The following ECI2 variants were observed in gnomAD, a reference collection of about 807,000 sequenced individuals.
The protein encoded by ECI2 is D3,D2-enoyl-CoA isomerase.
In ECI2, 27 loss-of-function variants were observed where a neutral mutation model predicts 38.4. The ratio of observed to expected loss-of-function variants is 0.70; its 90% CI spans 0.52 to 0.97. The LOEUF is 0.97. Among genes scored for constraint, ECI2 ranks in the 50% least tolerant of loss-of-function variants. The pLI is 0.00. For synonymous variants in ECI2, 168 were observed against 172.0 expected, an observed-to-expected ratio of 0.98 and a Z score of 0.18; for missense variants, 470 against 474.4, an observed-to-expected ratio of 0.99 and a Z score of 0.09.
At chr6:4,123,507 T>G (rs1772943819) in intron 7 of ECI2, among the ~76,000 whole-genome samples, 1 of 151,128 alleles carries the variant, frequency 6.6e-6, no homozygotes, top group Non-Finnish European at 1.5e-5. Flanking sequence ...GACAAATAAA[T>G]TTTACTTTTG....
At chr6:4,127,404 C>CTTTTTTTTT (rs71001567) in intron 5 of ECI2, among the ~76,000 whole-genome samples, 3 of 75,892 alleles carry the variant, frequency 4.0e-5, no homozygotes, top group African/African-American at 1.1e-4. Flanking sequence ...ATCTTAGAGC[C>CTTTTTTTTT]TTTTTTTTTT....
At chr6:4,132,258 G>C (rs1315335382) in intron 2 of ECI2, among the ~76,000 whole-genome samples, 2 of 152,076 alleles carry the variant, frequency 1.3e-5, no homozygotes, top group Non-Finnish European at 2.9e-5. Context: ...AGTCAGCATA[G>C]GGCACCTCTA....
chr6:4,131,817 G>A (rs1056257465), intron 2 of ECI2, among the ~76,000 whole-genome samples: 2 of 152,026 alleles, frequency 1.3e-5, no homozygotes, highest in Middle Eastern at 3.4e-3. Context: ...AGATGGTGCC[G>A]CTGCACTCTA....
chr6:4,120,432 CAT>C (rs1324489727), intron 7 of ECI2, among the ~76,000 whole-genome samples: 9 of 152,024 alleles, frequency 5.9e-5, no homozygotes, highest in African/African-American at 2.2e-4. Context: ...ATATATCAAA[CAT>C]AGAAAAGGTA....
At chr6:4,117,198 T>C (rs1189995053) in intron 9 of ECI2, 110 bp downstream of exon 9, 2 of 1,329,218 alleles carry the variant, frequency 1.5e-6, no homozygotes, top group Non-Finnish European at 1.0e-6. Flanking sequence ...TGCTTAGAGG[T>C]AACTAAAGAT....
At chr6:4,128,708 T>C (rs1773333044) in intron 4 of ECI2, among the ~76,000 whole-genome samples, 2 of 152,184 alleles carry the variant, frequency 1.3e-5, no homozygotes, top group African/African-American at 4.8e-5. Context: ...CAATACAGTA[T>C]AACAACAATT....
chr6:4,117,215 T>C (rs772513858), intron 9 of ECI2, 93 bp downstream of exon 9: 174 of 1,464,260 alleles, frequency 1.2e-4, no homozygotes, highest in Middle Eastern at 5.5e-4. Flanking sequence ...AGATGTGTCT[T>C]GTGCTTTTTA....
chr6:4,130,168 T>C, intron 4 of ECI2: 1 of 1,613,876 alleles, frequency 6.2e-7, no homozygotes, highest in Non-Finnish European at 8.5e-7. Context: ...TCTGGGTATA[T>C]CAGAACCTAC....
In ECI2 at chr6:4,126,244, G is replaced by C. The variant is rs368230357; in HGVS notation, c.572-7C>G. 1 of 1,605,240 alleles carries C rather than the reference G, an allele frequency of 6.2e-7. No individual in the cohort carries two copies. The highest frequency in any genetic ancestry group is 8.5e-7 in the Non-Finnish European group (1 of 1,175,076). On this transcript the variant is annotated splice_region_variant and splice_polypyrimidine_tract_variant and intron_variant, in intron 5 of 9. Transcript: ENST00000380118. Reference sequence around the variant, plus strand: ...CTGTAATAGTCACCATTTCCTATAAGTAAGAAAATCAACAGATCCCTCATT... The same window carrying C: ...CTGTAATAGTCACCATTTCCTATAACTAAGAAAATCAACAGATCCCTCATT...
chr6:4,127,654 C>G, intron 5 of ECI2, 108 bp downstream of exon 5: 1 of 1,071,552 alleles, frequency 9.3e-7, no homozygotes. Flanking sequence ...ACCTCGGGAG[C>G]CACCTGCCTC....
intron 2 of ECI2, among the ~76,000 whole-genome samples, chr6:4,132,411 G>C (rs111967316): frequency 6.6e-6 from 1 of 151,942 alleles, no homozygotes; most frequent in African/African-American, 2.4e-5. Flanking sequence ...AAATCACATC[G>C]TTAAGACAAT....
At chr6:4,135,206 G>A (rs1421069204) in intron 1 of ECI2, 2 of 790,452 alleles carry the variant, frequency 2.5e-6, no homozygotes, top group African/African-American at 1.7e-5. Flanking sequence ...TCACCCGCCC[G>A]GAGTCCGGCC....
chr6:4,119,644 C>T (rs374514853), intron 7 of ECI2, among the ~76,000 whole-genome samples: 4 of 152,158 alleles, frequency 2.6e-5, no homozygotes, highest in South Asian at 4.2e-4. Flanking sequence ...TTAAAAATCA[C>T]GATTTGCTTA....
At chr6:4,125,492 C>T in intron 6 of ECI2, 122 bp from the exon 7 acceptor site, 2 of 1,387,650 alleles carry the variant, frequency 1.4e-6, no homozygotes, top group Non-Finnish European at 2.0e-6. Context: ...CAGCCACCAC[C>T]AGCAGTGCCT....
At position 4,135,557 on chromosome 6, in the gene ECI2, C is replaced by T. The variant is rs1260253596; in HGVS notation, c.4G>A (p.Ala2Thr). Residue 2 changes from alanine (A) to threonine (T), a missense_variant, in exon 1 of 10, where the codon GCG (alanine) becomes ACG (threonine). Ala to Thr is a moderately conservative substitution (Grantham distance 58). Coordinates refer to ENST00000380118, the MANE Select transcript of ECI2 (RefSeq NM_206836.3). ...AGTCTCCAAGCCAAGTACGCCATCG[C>T]CATCCCTTGGGCGGCTCTAGGGCTG... M[A>T]MAYLAWRLAR... is the part of the protein sequence containing the mutation. 3 of 1,609,420 alleles carry T rather than the reference C, an allele frequency of 1.9e-6. No individual in the cohort carries two copies. The highest frequency in any genetic ancestry group is 2.5e-6 in the Non-Finnish European group (3 of 1,178,756).
chr6:4,117,460 A>G lies in ECI2; in HGVS notation c.886-9T>C. 1 of 1,609,072 alleles carries G rather than the reference A, an allele frequency of 6.2e-7. No homozygotes were observed. The highest frequency in any genetic ancestry group is 8.5e-7 in the Non-Finnish European group (1 of 1,178,828). On this transcript the variant is annotated splice_polypyrimidine_tract_variant and intron_variant, in intron 8 of 9. Transcript: ENST00000380118. ...ATAAGCATCTCTGTTGCCTGAAATG[A>G]AAAGCAAGAAGCAAGGTTAAGATAC...
At chr6:4,124,704 TATTACTACTGTAGTAAAA>T (rs1773028396) in intron 7 of ECI2, among the ~76,000 whole-genome samples, 1 of 152,224 alleles carries the variant, frequency 6.6e-6, no homozygotes. Flanking sequence ...ATGACATATA[TATTACTACTGTAGTAAAA>T]ATAAAAACTA....
Position 4,126,228 on chromosome 6 carries a change from T to C in ECI2, c.581A>G (p.Asp194Gly), listed in dbSNP as rs1352439578. 6.2e-7 allele frequency: 1 copy of C among 1,611,628 alleles called. No individual in the cohort carries two copies. The highest frequency in any genetic ancestry group is 8.5e-7 in the Non-Finnish European group (1 of 1,179,146). Residue 194 changes from aspartate (D) to glycine (G), a missense_variant, in exon 6 of 10, where the codon GAC becomes GGC. Physicochemically the swap from Asp to Gly is moderately conservative, Grantham distance 94 (BLOSUM62 -1). Coordinates refer to ENST00000380118, the MANE Select transcript of ECI2 (RefSeq NM_206836.3). ...CAGATCATTCCCACTACTGTAATAGTCACCATTTCCTATAAGTAAGAAAAT... is the reference window on the plus strand; with the variant it reads ...CAGATCATTCCCACTACTGTAATAGCCACCATTTCCTATAAGTAAGAAAAT... ...SIITVLTGNG[D>G]YYSSGNDLTN...
At position 4,133,561 on chromosome 6, in the gene ECI2, C is replaced by G; in HGVS notation, c.201G>C (p.Ala67=). 6.2e-7 allele frequency: 1 copy of G among 1,611,872 alleles called. No individual in the cohort carries two copies. The highest frequency in any genetic ancestry group is 1.7e-5 in the Admixed American group (1 of 59,606). Residue 67 remains alanine, a synonymous_variant, in exon 2 of 10, where the codon GCG becomes GCC. Coordinates refer to ENST00000380118, the MANE Select transcript of ECI2 (RefSeq NM_206836.3). The part of the protein sequence containing the change: ...PGNEVKLKLY[A]LYKQATEGPC... The stretch of plus-strand genomic sequence containing the variant: ...CGTAGGCATTTACCTGCTTATATAG[C>G]GCGTAGAGTTTTAGCTTCACTTCGT...
Sources: allele counts gnomAD v4.1 joint callset (sites outside exome capture counted in the v4.1 genomes callset), GRCh38; gene constraint gnomAD v4.1.1; transcripts MANE v1.5; gene names NCBI Gene and HGNC (gene_info 2026-07-23, HGNC 2026-07-21).